The following RALGAPA1 variants were observed in gnomAD, a reference collection of about 807,000 sequenced individuals.
RALGAPA1 encodes Ral GTPase activating protein catalytic subunit alpha 1.
RALGAPA1 carries 52 observed loss-of-function variants against 269.6 expected under a neutral mutation model. The observed-to-expected ratio is 0.19, with a 90% CI of 0.15 to 0.24. RALGAPA1 has a LOEUF of 0.24. Ranked by LOEUF, RALGAPA1 falls within the 10% of genes least tolerant of loss-of-function variation. RALGAPA1 has a pLI of 1.00. For synonymous variants in RALGAPA1, 817 were observed against 1,008.3 expected, an observed-to-expected ratio of 0.81 and a Z score of 3.60; for missense variants, 1,917 against 3,013.9, an observed-to-expected ratio of 0.64 and a Z score of 8.52.
At position 35,539,688 on chromosome 14, in the gene RALGAPA1, A is replaced by G. The variant is rs56329672; in HGVS notation, c.*26T>C. 2 of 1,613,836 alleles carry G rather than the reference A, an allele frequency of 1.2e-6. No homozygotes were observed. Among genetic ancestry groups the G allele is most frequent in the East Asian group, 4.5e-5 (2 of 44,850 alleles). ...TCACTGGGTAGAATCTCTGGGTAGG[A>G]GCCTGTAGGAAACAGCAAGAGCATT... On this transcript the variant is annotated splice_region_variant and 3_prime_UTR_variant, in exon 42 of 42. Transcript: ENST00000680220.
chr14:35,807,000 CTCTT>C (rs1481776745), intron 1 of RALGAPA1, among the ~76,000 whole-genome samples: 1 of 152,194 alleles, frequency 6.6e-6, no homozygotes, highest in Non-Finnish European at 1.5e-5. Context: ...TGTGACCTCT[CTCTT>C]AATTTACCTT....
chr14:35,614,527 A>G (rs1488677830), intron 35 of RALGAPA1, among the ~76,000 whole-genome samples: 4 of 152,174 alleles, frequency 2.6e-5, no homozygotes, highest in Non-Finnish European at 5.9e-5. Context: ...TTATAGAGAC[A>G]GAAAGTAGAT....
chr14:35,552,525 G>A (rs985447887), intron 39 of RALGAPA1, among the ~76,000 whole-genome samples: 1 of 152,030 alleles, frequency 6.6e-6, no homozygotes, highest in Non-Finnish European at 1.5e-5. Context: ...TTAAAAAACC[G>A]AAATGGATAA....
chr14:35,699,895 C>CAAA (rs34255458), intron 17 of RALGAPA1, among the ~76,000 whole-genome samples: 208 of 76,322 alleles, frequency 2.7e-3, no homozygotes, highest in African/African-American at 7.4e-3. Flanking sequence ...AATCAAACAG[C>CAAA]AAAAAAAAAA....
chr14:35,758,019 C>T (rs559356746), intron 6 of RALGAPA1, among the ~76,000 whole-genome samples: 2 of 152,114 alleles, frequency 1.3e-5, no homozygotes, highest in African/African-American at 4.8e-5. Flanking sequence ...GAGGCCGAGG[C>T]GAGTGGATCA....
chr14:35,648,544 AG>A (rs1280794813), intron 31 of RALGAPA1, among the ~76,000 whole-genome samples: 4 of 151,606 alleles, frequency 2.6e-5, no homozygotes, highest in Non-Finnish European at 4.4e-5. Flanking sequence ...GCACTTAGGG[AG>A]GCCAAGGCGG....
At chr14:35,559,668 C>G (rs1009839064) in intron 39 of RALGAPA1, among the ~76,000 whole-genome samples, 3 of 152,102 alleles carry the variant, frequency 2.0e-5, no homozygotes, top group Non-Finnish European at 4.4e-5. Flanking sequence ...CATATGTGGA[C>G]CATACTGTTA....
intron 16 of RALGAPA1, among the ~76,000 whole-genome samples, chr14:35,716,887 A>G (rs1305223909): frequency 2.0e-5 from 3 of 152,202 alleles, no homozygotes; most frequent in African/African-American, 2.4e-5. Context: ...GCTTGATTCC[A>G]GGTCCCTCCA....
At chr14:35,785,694 T>C (rs1365483504) in intron 1 of RALGAPA1, among the ~76,000 whole-genome samples, 4 of 152,162 alleles carry the variant, frequency 2.6e-5, no homozygotes, top group Non-Finnish European at 5.9e-5. Context: ...GCACCAGGAT[T>C]GGTCTACACC....
chr14:35,677,955 T>C lies in RALGAPA1; in HGVS notation c.4619A>G (p.Asp1540Gly), dbSNP rs770022909. The change falls in exon 22 of 42, where the codon GAT (aspartate) becomes GGT (glycine). Residue 1540 changes from aspartate to glycine, a missense_variant. By Grantham distance (94) the Asp-to-Gly change is moderately conservative (BLOSUM62 -1). Coordinates refer to ENST00000680220, the MANE Select transcript of RALGAPA1 (RefSeq NM_001346249.2). ...ATCTAATTTTGAAATATTGCCTAGA[T>C]CATCTGGTGTCTGAAGAACAGAGTG... ...LHHSVLQTPD[D>G]LEISEFPSEC... The C allele has an allele frequency of 1.9e-6, 3 of 1,613,312 alleles. No individual in the cohort carries two copies. Among genetic ancestry groups the C allele is most frequent in the Non-Finnish European group, 8.5e-7 (1 of 1,179,818 alleles).
chr14:35,745,974 C>G (rs1198712759), intron 10 of RALGAPA1, among the ~76,000 whole-genome samples: 1 of 151,632 alleles, frequency 6.6e-6, no homozygotes. Context: ...ACCTGTAGTC[C>G]CAGCTACTCA....
At chr14:35,549,280 GA>G in intron 39 of RALGAPA1, 46 bp from the exon 40 acceptor site, 7 of 1,557,370 alleles carry the variant, frequency 4.5e-6, no homozygotes, top group Admixed American at 1.9e-5. Context: ...GCTTATACTG[GA>G]AAAAAAATCT....
chr14:35,600,232 C>CTTTTCTTTT (rs768432859), intron 36 of RALGAPA1, among the ~76,000 whole-genome samples: 6 of 86,948 alleles, frequency 6.9e-5, no homozygotes, highest in African/African-American at 1.3e-4. Flanking sequence ...TTCTTTTTTT[C>CTTTTCTTTT]TTTTTTTTTT....
chr14:35,713,968 G>T (rs112357955), intron 16 of RALGAPA1, among the ~76,000 whole-genome samples: 1 of 151,824 alleles, frequency 6.6e-6, no homozygotes, highest in Admixed American at 6.6e-5. Flanking sequence ...GGTGGCAGGC[G>T]CCTGTAATCC....
chr14:35,678,548 C>T (rs1381998865), intron 21 of RALGAPA1, among the ~76,000 whole-genome samples: 1 of 152,130 alleles, frequency 6.6e-6, no homozygotes, highest in Admixed American at 6.5e-5. Flanking sequence ...ATCCTGACTT[C>T]CCCCTCCCAA....
At chr14:35,590,444 G>T (rs915414412) in intron 37 of RALGAPA1, among the ~76,000 whole-genome samples, 1 of 152,210 alleles carries the variant, frequency 6.6e-6, no homozygotes, top group Admixed American at 6.5e-5. Context: ...GGAACCTGGT[G>T]GGAGGTGATT....
In RALGAPA1 at chr14:35,774,459, T is replaced by A. The variant is rs374758189; in HGVS notation, c.267+547A>T. 3.9e-5 allele frequency among the ~76,000 whole-genome samples: 6 copies of A among 151,916 alleles called. No individual in the cohort carries two copies. In the East Asian group the frequency reaches 9.6e-4, roughly 24 times the overall value. On this transcript the variant is annotated intron_variant, in intron 3 of 41. Coordinates refer to ENST00000680220, the MANE Select transcript of RALGAPA1 (RefSeq NM_001346249.2). ...TGTGCTAAAAATTAAAAAAAAAAAC[T>A]AGCAGAGCATCAAAATTTTGTTCAT...
chr14:35,750,335 T>C, intron 9 of RALGAPA1, 147 bp downstream of exon 9: 1 of 482,402 alleles, frequency 2.1e-6, no homozygotes, highest in Non-Finnish European at 3.7e-6. Flanking sequence ...AATTCTATAA[T>C]TAAAATTTGC....
At chr14:35,677,332 G>GGCATATTTGCATATGCCATAAATGT (rs1286195385) in intron 22 of RALGAPA1, 10 of 152,142 alleles carry the variant, frequency 6.6e-5, no homozygotes, top group Non-Finnish European at 1.0e-4. Flanking sequence ...ACCAATTTAT[G>GGCATATTTGCATATGCCATAAATGT]GCATATTTGC....
Sources: gnomAD v4.1 joint callset for allele counts (sites outside exome capture counted in the v4.1 genomes callset) on GRCh38, gnomAD v4.1.1 for gene constraint, MANE v1.5 for transcripts, NCBI Gene and HGNC (gene_info 2026-07-23, HGNC 2026-07-21) for gene names.